Variants in NYAP1 observed in about 807,000 individuals in gnomAD.
The protein encoded by NYAP1 is neuronal tyrosine-phosphorylated phosphoinositide-3-kinase adapter 1.
A neutral mutation model predicts 58.6 loss-of-function variants in NYAP1; 20 were observed. The observed-to-expected ratio is 0.34, with a 90% confidence interval of 0.24 to 0.50. The LOEUF (loss-of-function observed/expected upper bound fraction) is 0.50, where lower values mean the gene tolerates loss of function less well. NYAP1 is among the 20% of genes least tolerant of loss of function. The pLI is 0.98. For synonymous variants in NYAP1, 572 were observed against 523.1 expected (o/e 1.09, Z -1.27); for missense variants, 1,150 against 1,194.5 (o/e 0.96, Z 0.55).
chr7:100,488,792 A>G lies in NYAP1; in HGVS notation c.1071A>G (p.Leu357=), dbSNP rs1185985546. 6.3e-7 allele frequency: 1 copy of G among 1,585,124 alleles called. No homozygotes were observed. Among genetic ancestry groups the G allele is most frequent in the Non-Finnish European group, 8.6e-7 (1 of 1,166,098 alleles). Residue 357 remains leucine (L), a synonymous_variant, in exon 4 of 7, where the codon CTA becomes CTG. Transcript: ENST00000300179. The surrounding 1 kb of genome is among the most constrained non-coding windows in gnomAD (Gnocchi z 5.9). ...CCCCTGGCGATGGGGTCTCAAGGCT[A>G]CCTGTCCTCTGCCACTCCAAGGAGC... ...SRTPGDGVSR[L]PVLCHSKEPA... is the part of the protein sequence containing the mutation.
chr7:100,488,673 A>C lies in NYAP1; in HGVS notation c.952A>C (p.Thr318Pro). The C allele has an allele frequency of 6.2e-7, 1 of 1,610,810 alleles. No homozygotes were observed. Among genetic ancestry groups the C allele is most frequent in the Admixed American group, 1.7e-5 (1 of 59,826 alleles). Residue 318 changes from threonine (T) to proline (P), a missense_variant, in exon 4 of 7, where the codon ACC (threonine) becomes CCC (proline). Physicochemically the swap from Thr to Pro is conservative, Grantham distance 38. Coordinates refer to ENST00000300179, the MANE Select transcript of NYAP1 (RefSeq NM_173564.4). This position sits in a 1 kb window ranked among gnomAD's most constrained non-coding sequence, Gnocchi z 5.9. ...CCGGAGGGACGGGACGCCCACCAAG[A>C]CCACTCCTTGTGAAATCCCCCCGCC... ...PSRRDGTPTK[T>P]TPCEIPPPFP...
chr7:100,486,273 CAG>C lies in NYAP1; in HGVS notation c.69-540_69-539del, dbSNP rs893955154. On this transcript the variant is annotated intron_variant, in intron 2 of 6. Transcript: ENST00000300179. This position sits in a 1 kb window ranked among gnomAD's most constrained non-coding sequence, Gnocchi z 6.2. Reference sequence around the variant, plus strand: ...AATGGGGGTGAGCCGGGGAGGCTGACAGAGAGAGAACAGCACCAGGGGAGAGG... The same window carrying C: ...AATGGGGGTGAGCCGGGGAGGCTGACAGAGAGAACAGCACCAGGGGAGAGG... Among the ~76,000 whole-genome samples, 4 of 152,032 alleles carry C rather than the reference CAG, an allele frequency of 2.6e-5. No homozygotes were observed. The highest frequency in any genetic ancestry group is 2.1e-4 in the South Asian group (1 of 4,818).
chr7:100,494,662 A>G lies in NYAP1; in HGVS notation c.*759A>G. The G allele has an allele frequency of 1.6e-5, 1 of 62,162 alleles. No homozygotes were observed. The highest frequency in any genetic ancestry group is 8.0e-4 in the South Asian group (1 of 1,254). The allele number at this position is 62,162 out of a possible 1,614,324, so 3.9% of individuals were successfully genotyped here. On this transcript the variant is annotated 3_prime_UTR_variant, in exon 7 of 7. Coordinates refer to ENST00000300179, the MANE Select transcript of NYAP1 (RefSeq NM_173564.4). ...CCAGGGATGGGCAGGATGATGGGGG[A>G]GGAGGAGGGAAATTTTAGCGGGTGG...
chr7:100,491,920 G>T (rs1799800915), intron 6 of NYAP1, among the ~76,000 whole-genome samples: 2 of 152,174 alleles, frequency 1.3e-5, no homozygotes, highest in African/African-American at 4.8e-5. Flanking sequence ...GGTAGCGCAC[G>T]CCTGTAGTCC....
chr7:100,490,868 CCT>C lies in NYAP1; in HGVS notation c.2159-117_2159-116del, dbSNP rs1584360964. ...TAAATCCTCATACCACATCTCCACCCCTTTTTCCCTTCTGATGAGGCAGGGGC... is the reference window on the plus strand; with the variant it reads ...TAAATCCTCATACCACATCTCCACCCTTTTCCCTTCTGATGAGGCAGGGGC... On this transcript the variant is annotated intron_variant, in intron 5 of 6. Coordinates refer to ENST00000300179, the MANE Select transcript of NYAP1 (RefSeq NM_173564.4). This position sits in a 1 kb window ranked among gnomAD's most constrained non-coding sequence, Gnocchi z 4.6. 18 of 1,058,170 alleles carry C rather than the reference CCT, an allele frequency of 1.7e-5. No homozygotes were observed. In the East Asian group the frequency reaches 4.7e-4, roughly 28 times the overall value. 65.5% of individuals were successfully genotyped at this position (1,058,170 alleles called of 1,614,324 possible).
rs965276949 is a variant in NYAP1, at chr7:100,487,479, C to A, written c.430+297C>A. On this transcript the variant is annotated intron_variant, in intron 3 of 6. Coordinates refer to ENST00000300179, the MANE Select transcript of NYAP1 (RefSeq NM_173564.4). This position sits in a 1 kb window ranked among gnomAD's most constrained non-coding sequence, Gnocchi z 4.1. ...AAAGACTGAGGGCTGTGGGACAAGC[C>A]CCGTGGCTCACGCCCGTAATCTCAG... Among the ~76,000 whole-genome samples, 4 of 151,420 alleles carry A rather than the reference C, an allele frequency of 2.6e-5. No homozygotes were observed. The highest frequency in any genetic ancestry group is 9.7e-5 in the African/African-American group (4 of 41,290).
intron 6 of NYAP1, among the ~76,000 whole-genome samples, chr7:100,493,188 T>C (rs1743169194): frequency 6.6e-6 from 1 of 151,950 alleles, no homozygotes; most frequent in African/African-American, 2.4e-5. Context: ...AAAAATAAAC[T>C]TTAATTTAAT....
rs1347057367 is a variant in NYAP1, at chr7:100,487,022, C to T, written c.270C>T (p.Ser90=). 7 of 1,608,698 alleles carry T rather than the reference C, an allele frequency of 4.4e-6. No individual in the cohort carries two copies. The highest frequency in any genetic ancestry group is 5.9e-6 in the Non-Finnish European group (7 of 1,177,434). Residue 90 remains serine (S), a synonymous_variant, in exon 3 of 7, where the codon AGC becomes AGT. Transcript: ENST00000300179. This position sits in a 1 kb window ranked among gnomAD's most constrained non-coding sequence, Gnocchi z 4.1. ...PRSLSCHSVG[S]MDSVGGGPGG... ...CCCTCTCCTGCCACTCGGTGGGCAG[C>T]ATGGACAGTGTCGGGGGTGGCCCTG...
chr7:100,492,132 G>A (rs752212797), intron 6 of NYAP1, among the ~76,000 whole-genome samples: 3 of 152,048 alleles, frequency 2.0e-5, no homozygotes, highest in Non-Finnish European at 4.4e-5. Context: ...CCAGCTACTC[G>A]GGAGGCTGAG....
Position 100,488,662 on chromosome 7 carries a change from C to G in NYAP1, c.941C>G (p.Thr314Arg). 1.9e-6 allele frequency: 3 copies of G among 1,610,946 alleles called. No homozygotes were observed. Among genetic ancestry groups the G allele is most frequent in the Non-Finnish European group, 1.7e-6 (2 of 1,179,284 alleles). The change falls in exon 4 of 7, where the codon ACG (threonine) becomes AGG (arginine). Residue 314 changes from threonine (T) to arginine (R), a missense_variant. Transcript: ENST00000300179. The surrounding 1 kb of genome is among the most constrained non-coding windows in gnomAD (Gnocchi z 5.9). ...ASALPSRRDG[T>R]PTKTTPCEIP... Reference sequence around the variant, plus strand: ...GCCCTCCCGAGCCGGAGGGACGGGACGCCCACCAAGACCACTCCTTGTGAA... The same window carrying G: ...GCCCTCCCGAGCCGGAGGGACGGGAGGCCCACCAAGACCACTCCTTGTGAA...
chr7:100,484,808 G>A (rs893608074), intron 1 of NYAP1, among the ~76,000 whole-genome samples: 1 of 152,232 alleles, frequency 6.6e-6, no homozygotes, highest in South Asian at 2.1e-4. Context: ...TTATGTCTGT[G>A]TGCCTGTCTA....
Position 100,493,639 on chromosome 7 carries a change from G to A in NYAP1, c.2269-7G>A. On this transcript the variant is annotated splice_polypyrimidine_tract_variant and splice_region_variant and intron_variant, in intron 6 of 6. Coordinates refer to ENST00000300179, the MANE Select transcript of NYAP1 (RefSeq NM_173564.4). Reference sequence around the variant, plus strand: ...GCGTTTTCCTTTCTCCCCCGCCCGCGGCACAGCCCCACCCCGCGCTGCCGC... The same window carrying A: ...GCGTTTTCCTTTCTCCCCCGCCCGCAGCACAGCCCCACCCCGCGCTGCCGC... The A allele has an allele frequency of 6.4e-7, 1 of 1,565,230 alleles. No individual in the cohort carries two copies. Among genetic ancestry groups the A allele is most frequent in the Non-Finnish European group, 8.6e-7 (1 of 1,163,758 alleles).
At chr7:100,489,744 G>A in intron 4 of NYAP1, 78 bp downstream of exon 4, 2 of 1,142,206 alleles carry the variant, frequency 1.8e-6, no homozygotes, top group Non-Finnish European at 2.4e-6. Context: ...TTTGGGGGAG[G>A]TGTTGGAGGG....
Position 100,487,662 on chromosome 7 carries a change from C to T in NYAP1, c.430+480C>T, listed in dbSNP as rs960724849. On this transcript the variant is annotated intron_variant, in intron 3 of 6. Coordinates refer to ENST00000300179, the MANE Select transcript of NYAP1 (RefSeq NM_173564.4). This position sits in a 1 kb window ranked among gnomAD's most constrained non-coding sequence, Gnocchi z 4.1. ...GATTACAGGCGTCCGTCACCACGCCCGGCTAATTTTTTGTATTTTTAGTAG... is the reference window on the plus strand; with the variant it reads ...GATTACAGGCGTCCGTCACCACGCCTGGCTAATTTTTTGTATTTTTAGTAG... 3.9e-5 allele frequency among the ~76,000 whole-genome samples: 6 copies of T among 152,122 alleles called. No homozygotes were observed. The highest frequency in any genetic ancestry group is 7.2e-5 in the African/African-American group (3 of 41,432).
In NYAP1 at chr7:100,488,222, C is replaced by T. The variant is rs769023835; in HGVS notation, c.501C>T (p.Ser167=). Residue 167 remains serine, a synonymous_variant, in exon 4 of 7, where the codon AGC becomes AGT. Coordinates refer to ENST00000300179, the MANE Select transcript of NYAP1 (RefSeq NM_173564.4). This position sits in a 1 kb window ranked among gnomAD's most constrained non-coding sequence, Gnocchi z 5.9. ...TTCCTCCGCAGAAGCCCAGGCGAAGCCCTAACACCCAGCTCTCTGTCTCCT... is the reference window on the plus strand; with the variant it reads ...TTCCTCCGCAGAAGCCCAGGCGAAGTCCTAACACCCAGCTCTCTGTCTCCT... ...RKVPPQKPRR[S]PNTQLSVSFD... 9.9e-6 allele frequency: 16 copies of T among 1,613,598 alleles called. No homozygotes were observed. Among genetic ancestry groups the T allele is most frequent in the East Asian group, 4.5e-5 (2 of 44,858 alleles).
chr7:100,489,251 G>A lies in NYAP1; in HGVS notation c.1530G>A (p.Lys510=), dbSNP rs891914047. The change falls in exon 4 of 7, where the codon AAG becomes AAA. Residue 510 remains lysine (K), a synonymous_variant. Coordinates refer to ENST00000300179, the MANE Select transcript of NYAP1 (RefSeq NM_173564.4). The part of the protein sequence containing the change: ...CTSSRPPVPG[K]TSPHGGAMGA... ...GCTCAAGGCCCCCTGTGCCAGGGAA[G>A]ACCAGCCCCCACGGTGGGGCCATGG... 1.8e-5 allele frequency: 29 copies of A among 1,604,516 alleles called. No individual in the cohort carries two copies. The highest frequency in any genetic ancestry group is 9.4e-5 in the African/African-American group (7 of 74,746).
intron 6 of NYAP1, among the ~76,000 whole-genome samples, chr7:100,492,864 A>C (rs1203840184): frequency 6.6e-6 from 1 of 152,072 alleles, no homozygotes; most frequent in African/African-American, 2.4e-5. Context: ...GTTCCACTGC[A>C]CTCCAGCCTG....
Position 100,486,968 on chromosome 7 carries a change from C to G in NYAP1, c.216C>G (p.His72Gln). The stretch of plus-strand genomic sequence containing the variant: ...CCGCCTCCCAGGAGCACACCCCGCA[C>G]CCCTGCCGCAGCGCCATGGCCCCAC... ...TMPASQEHTPHPCRSAMAPRS... is the reference protein window; with the variant it reads ...TMPASQEHTPQPCRSAMAPRS... The change falls in exon 3 of 7, where the codon CAC (histidine) becomes CAG (glutamine). Residue 72 changes from histidine (H) to glutamine (Q), a missense_variant. Physicochemically the swap from His to Gln is conservative, Grantham distance 24. Transcript: ENST00000300179. The surrounding 1 kb of genome is among the most constrained non-coding windows in gnomAD (Gnocchi z 6.2). 1 of 1,607,234 alleles carries G rather than the reference C, an allele frequency of 6.2e-7. No individual in the cohort carries two copies.
At position 100,488,533 on chromosome 7, in the gene NYAP1, A is replaced by G. The variant is rs1270793257; in HGVS notation, c.812A>G (p.Glu271Gly). Residue 271 changes from glutamate (E) to glycine (G), a missense_variant, in exon 4 of 7, where the codon GAG becomes GGG. By Grantham distance (98) the Glu-to-Gly change is moderately conservative. Transcript: ENST00000300179. This position sits in a 1 kb window ranked among gnomAD's most constrained non-coding sequence, Gnocchi z 5.9. ...YEEMKYPLPE[E>G]AGEGRANGPP... Reference sequence around the variant, plus strand: ...GAGATGAAGTACCCGCTGCCGGAAGAGGCTGGGGAAGGCCGGGCCAATGGC... The same window carrying G: ...GAGATGAAGTACCCGCTGCCGGAAGGGGCTGGGGAAGGCCGGGCCAATGGC... 4 of 1,611,776 alleles carry G rather than the reference A, an allele frequency of 2.5e-6. No individual in the cohort carries two copies. In the East Asian group the frequency reaches 8.9e-5, roughly 36 times the overall value.
Sources: gnomAD v4.1 joint callset for allele counts (sites outside exome capture counted in the v4.1 genomes callset) on GRCh38, gnomAD v4.1.1 for gene constraint, Gnocchi (gnomAD v3.1) non-coding constraint, MANE v1.5 for transcripts, NCBI Gene and HGNC (gene_info 2026-07-23, HGNC 2026-07-21) for gene names.